Variants in CDC37L1 observed in about 807,000 individuals in gnomAD.
The protein encoded by CDC37L1 is cell division cycle 37 like 1, HSP90 cochaperone, also known as hsp90 co-chaperone Cdc37-like 1.
CDC37L1 carries 32 observed loss-of-function variants against 45.9 expected under a neutral mutation model. The ratio of observed to expected loss-of-function variants is 0.70; its 90% CI spans 0.53 to 0.94. The LOEUF (loss-of-function observed/expected upper bound fraction) is 0.94. Ranked by LOEUF, CDC37L1 falls within the 40% of genes least tolerant of loss-of-function variation. The pLI, the probability that CDC37L1 is intolerant of heterozygous loss-of-function variation, is 0.00. For synonymous variants in CDC37L1, 150 were observed against 133.0 expected (o/e 1.13, Z -0.88); for missense variants, 434 against 405.7 (o/e 1.07, Z -0.60).
At chr9:4,698,736 A>C (rs1468139270) in intron 5 of CDC37L1, among the ~76,000 whole-genome samples, 1 of 152,114 alleles carries the variant, frequency 6.6e-6, no homozygotes, top group Non-Finnish European at 1.5e-5. Context: ...CCTTTTCAGG[A>C]GGTTCTCTGT....
At chr9:4,691,459 A>G (rs929601962) in intron 3 of CDC37L1, among the ~76,000 whole-genome samples, 1 of 152,246 alleles carries the variant, frequency 6.6e-6, no homozygotes, top group Admixed American at 6.5e-5. Context: ...TTTGCTTAGG[A>G]TAATGGCTTC....
intron 1 of CDC37L1, among the ~76,000 whole-genome samples, chr9:4,680,547 T>C (rs1314653032): frequency 6.6e-6 from 1 of 152,216 alleles, no homozygotes; most frequent in Non-Finnish European, 1.5e-5. Context: ...AGACTTCTCT[T>C]AGGTTCCTGG....
Position 4,687,354 on chromosome 9 carries a change from CTGTT to C in CDC37L1, c.415-1156_415-1153del, listed in dbSNP as rs201175163. On this transcript the variant is annotated intron_variant, in intron 2 of 6. Coordinates refer to ENST00000381854, the MANE Select transcript of CDC37L1 (RefSeq NM_017913.4). ...TTTGTACTTGACTTTAAAAATCAAA[CTGTT>C]TGGTCTCTTCTAAGAAGTTTATTAG... Among the ~76,000 whole-genome samples the C allele has an allele frequency of 1.6e-4, 25 of 152,172 alleles. No individual in the cohort carries two copies. The East Asian group carries it at 4.1e-3, about 25-fold the overall frequency.
In CDC37L1 at chr9:4,706,977, T is replaced by C. The variant is rs180937132; in HGVS notation, c.*865T>C. 6.6e-6 allele frequency: 1 copy of C among 152,190 alleles called. No individual in the cohort carries two copies. The highest frequency in any genetic ancestry group is 1.5e-5 in the Non-Finnish European group (1 of 68,024). The allele number at this position is 152,190 out of a possible 1,614,324, so 9.4% of individuals were successfully genotyped here. ...TAAATTTGTAGTTATTTTACTCATG[T>C]TGCCTTTTAATTTTTGTTATTTTGG... On this transcript the variant is annotated 3_prime_UTR_variant, in exon 7 of 7. Coordinates refer to ENST00000381854, the MANE Select transcript of CDC37L1 (RefSeq NM_017913.4).
At position 4,708,165 on chromosome 9, in the gene CDC37L1, C is replaced by T. The variant is rs1461404382; in HGVS notation, c.*2053C>T. ...GTTAGCCGTACTTTAGTACTAGAAA[C>T]AGTAAATTGACATCCTTGAACTAAT... On this transcript the variant is annotated 3_prime_UTR_variant, in exon 7 of 7. Coordinates refer to ENST00000381854, the MANE Select transcript of CDC37L1 (RefSeq NM_017913.4). The T allele has an allele frequency of 6.6e-6, 1 of 152,172 alleles. No homozygotes were observed. Among genetic ancestry groups the T allele is most frequent in the Non-Finnish European group, 1.5e-5 (1 of 68,024 alleles). 9.4% of individuals were successfully genotyped at this position (152,172 alleles called of 1,614,324 possible).
intron 1 of CDC37L1, among the ~76,000 whole-genome samples, chr9:4,684,333 G>A (rs1346456415): frequency 6.6e-6 from 1 of 152,058 alleles, no homozygotes; most frequent in East Asian, 1.9e-4. Context: ...TAAATTAAAG[G>A]ATATCTGTCT....
intron 1 of CDC37L1, among the ~76,000 whole-genome samples, chr9:4,682,896 A>G (rs1180057558): frequency 6.6e-6 from 1 of 150,580 alleles, no homozygotes; most frequent in African/African-American, 2.4e-5. Flanking sequence ...TCTTGATCCT[A>G]TTCTAAGATA....
At chr9:4,693,295 T>G (rs911546877) in intron 3 of CDC37L1, among the ~76,000 whole-genome samples, 4 of 150,498 alleles carry the variant, frequency 2.7e-5, no homozygotes, top group Non-Finnish European at 4.4e-5. Flanking sequence ...AAAAAAAAAT[T>G]CGTCAGGTGT....
chr9:4,694,595 G>A (rs2130849915), intron 3 of CDC37L1, among the ~76,000 whole-genome samples: 1 of 152,224 alleles, frequency 6.6e-6, no homozygotes, highest in East Asian at 1.9e-4. Flanking sequence ...ACATTTGGCA[G>A]GGAGTGGTGG....
intron 1 of CDC37L1, 120 bp from the exon 2 acceptor site, chr9:4,684,757 C>A: frequency 1.5e-6 from 1 of 656,724 alleles, no homozygotes; most frequent in Non-Finnish European, 2.6e-6. Context: ...AGACCTAGAA[C>A]ACAGGATATA....
Position 4,707,445 on chromosome 9 carries a change from A to G in CDC37L1, c.*1333A>G, listed in dbSNP as rs1841454103. On this transcript the variant is annotated 3_prime_UTR_variant, in exon 7 of 7. Transcript: ENST00000381854. ...TGGGAATACGTGTCTCAACTTGAGA[A>G]ACCAAATAGTGCGAAGGGACTCAGG... 1 of 152,242 alleles carries G rather than the reference A, an allele frequency of 6.6e-6. No individual in the cohort carries two copies. Among genetic ancestry groups the G allele is most frequent in the Non-Finnish European group, 1.5e-5 (1 of 68,060 alleles). 9.4% of individuals were successfully genotyped at this position (152,242 alleles called of 1,614,324 possible).
At chr9:4,702,517 G>A (rs994599862) in intron 6 of CDC37L1, among the ~76,000 whole-genome samples, 3 of 152,156 alleles carry the variant, frequency 2.0e-5, no homozygotes, top group African/African-American at 7.2e-5. Flanking sequence ...TAATGTAGCT[G>A]ATAATATTGT....
Position 4,679,762 on chromosome 9 carries a change from C to A in CDC37L1, c.-6C>A. On this transcript the variant is annotated 5_prime_UTR_variant, in exon 1 of 7. Coordinates refer to ENST00000381854, the MANE Select transcript of CDC37L1 (RefSeq NM_017913.4). The stretch of plus-strand genomic sequence containing the variant: ...AGGGCGGTTGTAGGACCCGGAGCAG[C>A]CGGACATGGAACAACCGTGGCCGCC... The A allele has an allele frequency of 6.2e-7, 1 of 1,609,890 alleles. No individual in the cohort carries two copies. Among genetic ancestry groups the A allele is most frequent in the South Asian group, 1.1e-5 (1 of 90,808 alleles).
chr9:4,696,110 G>C (rs901620778), intron 3 of CDC37L1, among the ~76,000 whole-genome samples: 1 of 152,080 alleles, frequency 6.6e-6, no homozygotes, highest in Non-Finnish European at 1.5e-5. Flanking sequence ...TAAGTGAGGA[G>C]AAAATGAATC....
intron 3 of CDC37L1, among the ~76,000 whole-genome samples, chr9:4,695,135 T>A (rs534715189): frequency 2.6e-4 from 40 of 152,178 alleles, no homozygotes; most frequent in Non-Finnish European, 5.1e-4. Context: ...CTTTGTGGGT[T>A]CAAGTATAAG....
At chr9:4,683,614 G>GTA (rs1240042630) in intron 1 of CDC37L1, among the ~76,000 whole-genome samples, 1 of 152,102 alleles carries the variant, frequency 6.6e-6, no homozygotes, top group Non-Finnish European at 1.5e-5. Flanking sequence ...TTGCCACAGA[G>GTA]TATGTACTTT....
At chr9:4,685,228 T>G (rs1249013803) in intron 2 of CDC37L1, 70 bp downstream of exon 2, 3 of 1,187,332 alleles carry the variant, frequency 2.5e-6, no homozygotes, top group Non-Finnish European at 3.7e-6. Flanking sequence ...GTTGTGCGTA[T>G]TTGGTAGCAA....
chr9:4,685,144 G>A lies in CDC37L1; in HGVS notation c.400G>A (p.Asp134Asn). The A allele has an allele frequency of 6.2e-7, 1 of 1,613,488 alleles. No individual in the cohort carries two copies. The highest frequency in any genetic ancestry group is 8.5e-7 in the Non-Finnish European group (1 of 1,179,476). ...CLWSTDAISK[D>N]VFNKSFINQD... is the part of the protein sequence containing the mutation. ...GTGGAGCACGGATGCCATTAGCAAG[G>A]ATGTTTTTAATAAGGTATGAGCTTT... Residue 134 changes from aspartate (D) to asparagine (N), a missense_variant, in exon 2 of 7, where the codon GAT (aspartate) becomes AAT (asparagine). Coordinates refer to ENST00000381854, the MANE Select transcript of CDC37L1 (RefSeq NM_017913.4).
chr9:4,680,074 G>A (rs1310587355), intron 1 of CDC37L1, among the ~76,000 whole-genome samples, 175 bp downstream of exon 1: 1 of 152,152 alleles, frequency 6.6e-6, no homozygotes, highest in Non-Finnish European at 1.5e-5. Flanking sequence ...TGGCATCTTC[G>A]GAGGGCAGAC....
Sources: gnomAD v4.1 joint callset for allele counts (sites outside exome capture counted in the v4.1 genomes callset) on GRCh38, gnomAD v4.1.1 for gene constraint, MANE v1.5 for transcripts, NCBI Gene and HGNC (gene_info 2026-07-23, HGNC 2026-07-21) for gene names.